FOXP2: variants seen among roughly 807,000 people sequenced by gnomAD.
FOXP2 encodes forkhead box protein P2.
Under a neutral mutation model 115.8 loss-of-function variants are expected in FOXP2, and 12 were observed. The ratio of observed to expected loss-of-function variants is 0.10; its 90% CI spans 0.07 to 0.17. FOXP2 has a LOEUF of 0.17. Among genes scored for constraint, FOXP2 ranks in the 10% least tolerant of loss-of-function variants. The pLI, the probability that FOXP2 is intolerant of heterozygous loss-of-function variation, is 1.00. For synonymous variants in FOXP2, 328 were observed against 297.7 expected, an observed-to-expected ratio of 1.10 and a Z score of -1.05; for missense variants, 629 against 843.5, an observed-to-expected ratio of 0.75 and a Z score of 3.15.
intron 2 of FOXP2, among the ~76,000 whole-genome samples, chr7:114,368,943 C>T (rs565962206): frequency 8.9e-4 from 136 of 152,282 alleles, no homozygotes; most frequent in Non-Finnish European, 1.6e-3. Context: ...CATTTTCACA[C>T]GGCTTAGCTG....
At chr7:114,209,138 A>G (rs1794278751) in intron 1 of FOXP2, among the ~76,000 whole-genome samples, 1 of 152,138 alleles carries the variant, frequency 6.6e-6, no homozygotes, top group African/African-American at 2.4e-5. Flanking sequence ...TGTTTTCATG[A>G]TAGTCAGTGA....
upstream of FOXP2, chr7:114,414,323 GA>G (rs1301813535): frequency 6.6e-6 from 1 of 152,148 alleles, no homozygotes; most frequent in African/African-American, 2.4e-5. Flanking sequence ...CTGGGGGAGA[GA>G]AAGTCTTTCT....
chr7:114,117,506 G>T (rs1375458492), intron 1 of FOXP2, among the ~76,000 whole-genome samples: 1 of 152,078 alleles, frequency 6.6e-6, no homozygotes, highest in African/African-American at 2.4e-5. Context: ...ACAGGCATGA[G>T]CCACCATGCC....
At chr7:114,347,751 T>C (rs961994242) in intron 2 of FOXP2, among the ~76,000 whole-genome samples, 1 of 151,994 alleles carries the variant, frequency 6.6e-6, no homozygotes, top group Admixed American at 6.6e-5. Flanking sequence ...AATGCTAGGG[T>C]TGATTAAATG....
At chr7:114,678,649 A>G (rs1222726005) in intron 16 of FOXP2, among the ~76,000 whole-genome samples, 1 of 140,354 alleles carries the variant, frequency 7.1e-6, no homozygotes, top group Non-Finnish European at 1.5e-5. Flanking sequence ...TTAAAATGCT[A>G]TAAGAACACA....
At chr7:114,622,970 G>A (rs769040342) in intron 3 of FOXP2, among the ~76,000 whole-genome samples, 12 of 151,754 alleles carry the variant, frequency 7.9e-5, no homozygotes, top group Non-Finnish European at 1.8e-4. Context: ...AATAAATGAT[G>A]GTGTTTTCAT....
At chr7:114,114,643 T>G (rs1475396891) in intron 1 of FOXP2, among the ~76,000 whole-genome samples, 1 of 152,178 alleles carries the variant, frequency 6.6e-6, no homozygotes, top group Non-Finnish European at 1.5e-5. Flanking sequence ...TACTCTTTCT[T>G]ATTTTTCTTG....
intron 1 of FOXP2, among the ~76,000 whole-genome samples, chr7:114,184,260 C>A (rs111588893): frequency 0.012 from 1,864 of 152,174 alleles, 48 homozygotes; most frequent in African/African-American, 0.042. Flanking sequence ...CCTCCTAAGG[C>A]ATTTAACTGA....
chr7:114,297,443 A>C (rs1178798176), intron 2 of FOXP2: 1 of 475,162 alleles, frequency 2.1e-6, no homozygotes, highest in Admixed American at 3.0e-5. Context: ...GCTGCTCTTC[A>C]ATGGCTGCCG....
intron 1 of FOXP2, among the ~76,000 whole-genome samples, chr7:114,115,426 A>G (rs1178245515): frequency 1.3e-5 from 2 of 152,100 alleles, no homozygotes; most frequent in Non-Finnish European, 2.9e-5. Context: ...AGAATCCTTA[A>G]CATAGTGATC....
intron 3 of FOXP2, chr7:114,570,771 A>G: frequency 6.4e-7 from 1 of 1,557,600 alleles, no homozygotes; most frequent in Non-Finnish European, 8.9e-7. Context: ...AAGATTGAAA[A>G]AAAAGCCAAC....
At chr7:114,543,200 G>T (rs1799765008) in intron 3 of FOXP2, among the ~76,000 whole-genome samples, 1 of 152,022 alleles carries the variant, frequency 6.6e-6, no homozygotes, top group Non-Finnish European at 1.5e-5. Flanking sequence ...TTTTCCCAAA[G>T]GCACTTGATA....
At chr7:114,578,622 ACT>A (rs879849901) in intron 3 of FOXP2, among the ~76,000 whole-genome samples, 4 of 152,006 alleles carry the variant, frequency 2.6e-5, no homozygotes, top group Non-Finnish European at 5.9e-5. Flanking sequence ...TAAGGAAATC[ACT>A]CTGTTTTTCC....
chr7:114,460,229 C>T (rs1473235009), intron 2 of FOXP2, among the ~76,000 whole-genome samples: 1 of 152,086 alleles, frequency 6.6e-6, no homozygotes, highest in East Asian at 1.9e-4. Flanking sequence ...GGAGTCATGG[C>T]TCAAAGAACC....
intron 2 of FOXP2, among the ~76,000 whole-genome samples, chr7:114,360,542 C>G (rs948468320): frequency 3.3e-5 from 5 of 152,250 alleles, no homozygotes; most frequent in African/African-American, 1.2e-4. Flanking sequence ...AATCTACTCC[C>G]AAACCTTCCC....
At chr7:114,639,651 A>T (rs1805418126) in intron 6 of FOXP2, among the ~76,000 whole-genome samples, 1 of 152,106 alleles carries the variant, frequency 6.6e-6, no homozygotes, top group East Asian at 1.9e-4. Flanking sequence ...AAAGGGAGGG[A>T]GGAAGCCAAG....
At chr7:114,612,424 TAC>T (rs548562761) in intron 3 of FOXP2, among the ~76,000 whole-genome samples, 24 of 148,762 alleles carry the variant, frequency 1.6e-4, no homozygotes, top group African/African-American at 4.7e-4. Context: ...GGATTTTTAA[TAC>T]ACACACACAC....
intron 1 of FOXP2, among the ~76,000 whole-genome samples, chr7:114,186,390 A>G (rs1359403066): frequency 6.6e-6 from 1 of 152,166 alleles, no homozygotes; most frequent in East Asian, 1.9e-4. Flanking sequence ...ATAGGTAAGA[A>G]AAAAATGGGT....
intron 2 of FOXP2, among the ~76,000 whole-genome samples, chr7:114,306,901 C>A (rs1334235180): frequency 6.6e-6 from 1 of 152,080 alleles, no homozygotes; most frequent in African/African-American, 2.4e-5. Context: ...CTGACATTGG[C>A]CTCCTCTGCC....
Sources: gnomAD v4.1 joint callset for allele counts (sites outside exome capture counted in the v4.1 genomes callset) on GRCh38, gnomAD v4.1.1 for gene constraint, MANE v1.5 for transcripts, NCBI Gene and HGNC (gene_info 2026-07-23, HGNC 2026-07-21) for gene names.